Variants in RPRD1A observed in about 807,000 individuals in gnomAD.
RPRD1A encodes the protein regulation of nuclear pre-mRNA domain-containing protein 1A.
In RPRD1A, 9 loss-of-function variants were observed where a neutral mutation model predicts 37.8. The observed-to-expected ratio is 0.24, with a 90% confidence interval of 0.14 to 0.42. The LOEUF is 0.42. RPRD1A is among the 10% of genes least tolerant of loss of function. RPRD1A has a pLI of 1.00. For missense variants in RPRD1A, 255 were observed against 371.0 expected (o/e 0.69, Z 2.57); for synonymous variants, 138 against 139.7 (o/e 0.99, Z 0.08).
Position 36,067,234 on chromosome 18 carries a change from G to A in RPRD1A, c.151+20C>T, listed in dbSNP as rs371614767. The A allele has an allele frequency of 1.6e-5, 25 of 1,552,360 alleles. No homozygotes were observed. In the African/African-American group the frequency reaches 2.5e-4, roughly 15 times the overall value. ...GCCGGCCGGGTGGTGGGAAGCGGCCGACATAAGCGGTTGACTCACCTTTCC... is the reference window on the plus strand; with the variant it reads ...GCCGGCCGGGTGGTGGGAAGCGGCCAACATAAGCGGTTGACTCACCTTTCC... On this transcript the variant is annotated intron_variant, in intron 1 of 6. Transcript: ENST00000399022.
At chr18:36,061,391 A>C (rs1231028623) in intron 1 of RPRD1A, among the ~76,000 whole-genome samples, 4 of 152,212 alleles carry the variant, frequency 2.6e-5, no homozygotes, top group Non-Finnish European at 5.9e-5. Flanking sequence ...CCAATATAAC[A>C]TAAAAGAGGC....
chr18:36,033,186 C>T (rs1332987586), intron 2 of RPRD1A, among the ~76,000 whole-genome samples: 6 of 151,080 alleles, frequency 4.0e-5, no homozygotes, highest in Non-Finnish European at 5.9e-5. Context: ...CCTGTAATTC[C>T]AGCTACTTGC....
At chr18:36,029,003 C>T (rs1320673705) in intron 4 of RPRD1A, among the ~76,000 whole-genome samples, 2 of 152,134 alleles carry the variant, frequency 1.3e-5, no homozygotes, top group Non-Finnish European at 2.9e-5. Flanking sequence ...AATCATGAGG[C>T]TCTTAGCCAA....
At chr18:36,025,006 GAAC>G (rs947120346) in intron 6 of RPRD1A, 11 of 152,004 alleles carry the variant, frequency 7.2e-5, no homozygotes, top group African/African-American at 1.2e-4. Flanking sequence ...TTATGCAGAA[GAAC>G]AACAAAAAAA....
chr18:36,027,514 C>T (rs1195414848), intron 4 of RPRD1A: 2 of 538,118 alleles, frequency 3.7e-6, no homozygotes, highest in Non-Finnish European at 6.6e-6. Context: ...ATAAACAGGA[C>T]AAGGCCCTAG....
intron 1 of RPRD1A, among the ~76,000 whole-genome samples, chr18:36,054,487 T>C (rs1913624687): frequency 6.6e-6 from 1 of 152,122 alleles, no homozygotes; most frequent in Non-Finnish European, 1.5e-5. Flanking sequence ...CGAGACTCCA[T>C]CTCAAAATAA....
At chr18:36,062,360 T>C (rs1410630787) in intron 1 of RPRD1A, among the ~76,000 whole-genome samples, 2 of 143,502 alleles carry the variant, frequency 1.4e-5, no homozygotes, top group Non-Finnish European at 3.0e-5. Flanking sequence ...ATGTACCCAC[T>C]GTGGAAAATA....
At chr18:35,998,055 A>G (rs1490160984) in intron 6 of RPRD1A, among the ~76,000 whole-genome samples, 1 of 152,158 alleles carries the variant, frequency 6.6e-6, no homozygotes, top group African/African-American at 2.4e-5. Flanking sequence ...TTTGATTCAC[A>G]CATCAAAATA....
chr18:36,049,969 T>C (rs891902454), intron 1 of RPRD1A, among the ~76,000 whole-genome samples: 2 of 152,196 alleles, frequency 1.3e-5, no homozygotes, highest in East Asian at 1.9e-4. Context: ...ACATCCTCAC[T>C]AACATTTGTT....
intron 6 of RPRD1A, among the ~76,000 whole-genome samples, chr18:36,014,490 G>A (rs1448451590): frequency 2.0e-5 from 3 of 152,256 alleles, no homozygotes; most frequent in Non-Finnish European, 2.9e-5. Context: ...TGTAATCCCA[G>A]CACTTTGGAA....
chr18:35,989,912 A>T lies in RPRD1A; in HGVS notation c.*3239T>A, dbSNP rs1352099698. ...AAGAAGAACGGGTAAACAAACAGGG[A>T]AAGTTCATCTTCCCATGTGCTATTG... is the stretch of plus-strand genomic sequence containing the variant. On this transcript the variant is annotated 3_prime_UTR_variant, in exon 7 of 7. Coordinates refer to ENST00000399022, the MANE Select transcript of RPRD1A (RefSeq NM_018170.5). 3.3e-5 allele frequency: 5 copies of T among 152,364 alleles called. No individual in the cohort carries two copies. The East Asian group carries it at 9.6e-4, about 29-fold the overall frequency. 9.4% of individuals were successfully genotyped at this position (152,364 alleles called of 1,614,324 possible).
chr18:36,063,287 A>AC (rs1169562729), intron 1 of RPRD1A, among the ~76,000 whole-genome samples: 3 of 151,932 alleles, frequency 2.0e-5, no homozygotes, highest in Non-Finnish European at 4.4e-5. Flanking sequence ...GGCTCAAGTG[A>AC]CCCCCCAACC....
chr18:36,064,365 T>TCCCGCC (rs1390365237), intron 1 of RPRD1A: 4 of 152,496 alleles, frequency 2.6e-5, no homozygotes, highest in African/African-American at 9.6e-5. Context: ...TGCCGCAAAG[T>TCCCGCC]CCCGCGGCGA....
rs141715215 is a variant in RPRD1A, at chr18:36,037,862, C to A, written c.152-4025G>T. Among the ~76,000 whole-genome samples, 576 of 152,208 alleles carry A rather than the reference C, an allele frequency of 3.8e-3. 7 individuals are homozygous for A. The highest frequency in any genetic ancestry group is 0.013 in the African/African-American group (552 of 41,544). The stretch of plus-strand genomic sequence containing the variant: ...CAAGACGGGCAGCATTTTGCCCCTG[C>A]CCTAGAGATCTGTGGAACTTTGAGG... On this transcript the variant is annotated intron_variant, in intron 1 of 6. Coordinates refer to ENST00000399022, the MANE Select transcript of RPRD1A (RefSeq NM_018170.5).
In RPRD1A at chr18:36,067,123, C is replaced by T. The variant is rs149987481; in HGVS notation, c.151+131G>A. On this transcript the variant is annotated intron_variant, in intron 1 of 6. Coordinates refer to ENST00000399022, the MANE Select transcript of RPRD1A (RefSeq NM_018170.5). The stretch of plus-strand genomic sequence containing the variant: ...AGAAGCGTGGTGCACGCAGCTCCTC[C>T]AAGCCCGCAGACCACCGCGCGCTGG... 1,448 of 942,272 alleles carry T rather than the reference C, an allele frequency of 1.5e-3. 19 individuals carry two copies. In the African/African-American group the frequency reaches 0.022, roughly 14 times the overall value. 58.4% of individuals were successfully genotyped at this position (942,272 alleles called of 1,614,324 possible).
At chr18:36,010,361 T>G (rs948125957) in intron 6 of RPRD1A, among the ~76,000 whole-genome samples, 14 of 151,952 alleles carry the variant, frequency 9.2e-5, no homozygotes, top group Non-Finnish European at 1.8e-4. Context: ...GGTGTGGTAG[T>G]GTGTGCCTGT....
intron 1 of RPRD1A, among the ~76,000 whole-genome samples, chr18:36,036,103 G>A (rs182265376): frequency 6.6e-6 from 1 of 150,874 alleles, no homozygotes; most frequent in East Asian, 1.9e-4. Flanking sequence ...AAATGTTTTT[G>A]TTTTTTTTGT....
chr18:36,059,480 T>A (rs1008472364), intron 1 of RPRD1A, among the ~76,000 whole-genome samples: 1 of 152,136 alleles, frequency 6.6e-6, no homozygotes, highest in African/African-American at 2.4e-5. Context: ...TGAATCGATT[T>A]AGTATTATAG....
At chr18:36,060,111 T>A (rs1173858183) in intron 1 of RPRD1A, among the ~76,000 whole-genome samples, 1 of 152,206 alleles carries the variant, frequency 6.6e-6, no homozygotes, top group African/African-American at 2.4e-5. Context: ...AGGATTTATA[T>A]TGCTATATAT....
Sources: gnomAD v4.1 joint callset for allele counts (sites outside exome capture counted in the v4.1 genomes callset) on GRCh38, gnomAD v4.1.1 for gene constraint, MANE v1.5 for transcripts, NCBI Gene and HGNC (gene_info 2026-07-23, HGNC 2026-07-21) for gene names.